SLC44A5: variants seen among roughly 807,000 people sequenced by gnomAD.
SLC44A5 encodes the protein choline transporter-like protein 5.
A neutral mutation model predicts 101.8 loss-of-function variants in SLC44A5; 57 were observed. That is an observed-to-expected ratio of 0.56 (90% CI 0.45 to 0.70). SLC44A5 has a LOEUF of 0.70. SLC44A5 is among the 30% of genes least tolerant of loss of function. SLC44A5 has a pLI of 0.00. For synonymous variants in SLC44A5, 281 were observed against 290.9 expected, an observed-to-expected ratio of 0.97 and a Z score of 0.35; for missense variants, 737 against 853.1, an observed-to-expected ratio of 0.86 and a Z score of 1.70.
intron 10 of SLC44A5, among the ~76,000 whole-genome samples, chr1:75,237,536 G>A (rs1404961421): frequency 2.0e-5 from 3 of 152,034 alleles, no homozygotes; most frequent in East Asian, 1.9e-4. Context: ...ACACATTTAT[G>A]TAACTACAAC....
At chr1:75,658,078 T>C in the SLC44A5 span, among the ~76,000 whole-genome samples, 3 of 145,242 alleles carry the variant, frequency 2.1e-5, no homozygotes, top group Middle Eastern at 3.6e-3. Context: ...ACAAATCTTA[T>C]GGTTTTTGTT....
At chr1:75,462,083 C>T (rs1666533063) in intron 2 of SLC44A5, among the ~76,000 whole-genome samples, 1 of 152,222 alleles carries the variant, frequency 6.6e-6, no homozygotes, top group Admixed American at 6.5e-5. Flanking sequence ...TTGGGCAAGA[C>T]CCAGTGCTGT....
At chr1:75,267,271 A>T (rs1401416688) in intron 6 of SLC44A5, among the ~76,000 whole-genome samples, 1 of 152,166 alleles carries the variant, frequency 6.6e-6, no homozygotes, top group Non-Finnish European at 1.5e-5. Flanking sequence ...TCAATGCTAG[A>T]GGTAAAGTCA....
chr1:75,411,973 G>T (rs553070817), intron 2 of SLC44A5, among the ~76,000 whole-genome samples: 1 of 152,150 alleles, frequency 6.6e-6, no homozygotes, highest in South Asian at 2.1e-4. Flanking sequence ...TATAAATTTT[G>T]TAAGACCTTT....
chr1:75,237,459 G>T (rs931183666), intron 10 of SLC44A5, among the ~76,000 whole-genome samples: 1 of 151,986 alleles, frequency 6.6e-6, no homozygotes, highest in Non-Finnish European at 1.5e-5. Flanking sequence ...TGACAGTAAG[G>T]CATGATGGAA....
At chr1:75,678,775 G>C in the SLC44A5 span, among the ~76,000 whole-genome samples, 1 of 152,098 alleles carries the variant, frequency 6.6e-6, no homozygotes, top group Non-Finnish European at 1.5e-5. Context: ...TGACTTTGAC[G>C]AGCTGAGAGA....
intron 14 of SLC44A5, among the ~76,000 whole-genome samples, chr1:75,221,082 C>T (rs1410515581): frequency 6.6e-6 from 1 of 152,102 alleles, no homozygotes; most frequent in African/African-American, 2.4e-5. Context: ...AAGAAATAAA[C>T]CCAGAAAATC....
At chr1:75,531,150 T>C (rs994126649) in intron 2 of SLC44A5, among the ~76,000 whole-genome samples, 2 of 152,192 alleles carry the variant, frequency 1.3e-5, no homozygotes, top group African/African-American at 4.8e-5. Context: ...CAACACAGCT[T>C]TTCTCTTGGA....
intron 2 of SLC44A5, among the ~76,000 whole-genome samples, chr1:75,460,685 A>T (rs2101691901): frequency 6.6e-6 from 1 of 152,316 alleles, no homozygotes; most frequent in Non-Finnish European, 1.5e-5. Context: ...ATTCCAATAA[A>T]AGGGATCTAG....
At chr1:75,480,187 T>C (rs1267802936) in intron 2 of SLC44A5, among the ~76,000 whole-genome samples, 9 of 152,162 alleles carry the variant, frequency 5.9e-5, no homozygotes, top group African/African-American at 2.2e-4. Flanking sequence ...AAAAGGCCTT[T>C]GACAAAATTC....
At chr1:75,668,315 C>CTTTTTTT in the SLC44A5 span, among the ~76,000 whole-genome samples, 4 of 65,088 alleles carry the variant, frequency 6.1e-5, no homozygotes, top group African/African-American at 5.8e-5. Flanking sequence ...TCCTAGGAGC[C>CTTTTTTT]TTTTTTTTTT....
intron 1 of SLC44A5, among the ~76,000 whole-genome samples, chr1:75,583,950 C>T (rs958823986): frequency 3.3e-5 from 5 of 152,196 alleles, no homozygotes; most frequent in Non-Finnish European, 5.9e-5. Flanking sequence ...TGGGTCAGCA[C>T]CAATCTCTGA....
intron 5 of SLC44A5, among the ~76,000 whole-genome samples, chr1:75,284,700 T>C (rs1652895368): frequency 6.6e-6 from 1 of 152,116 alleles, no homozygotes; most frequent in Non-Finnish European, 1.5e-5. Flanking sequence ...CCAATTTTGC[T>C]GAGGGCCTTA....
chr1:75,637,974 T>C, the SLC44A5 span, among the ~76,000 whole-genome samples: 1 of 152,022 alleles, frequency 6.6e-6, no homozygotes, highest in African/African-American at 2.4e-5. Context: ...AGTACCTCAC[T>C]GATATAAATC....
At chr1:75,227,312 C>G (rs182870861) in intron 13 of SLC44A5, among the ~76,000 whole-genome samples, 1 of 152,178 alleles carries the variant, frequency 6.6e-6, no homozygotes, top group African/African-American at 2.4e-5. Flanking sequence ...GTGAAGTTAG[C>G]CATGATTGTG....
chr1:75,368,780 G>C (rs1323216992), intron 3 of SLC44A5, among the ~76,000 whole-genome samples: 1 of 152,034 alleles, frequency 6.6e-6, no homozygotes, highest in Non-Finnish European at 1.5e-5. Flanking sequence ...TGATGCATAC[G>C]CAACTATGAG....
At chr1:75,480,431 G>C (rs1257937196) in intron 2 of SLC44A5, among the ~76,000 whole-genome samples, 5 of 152,096 alleles carry the variant, frequency 3.3e-5, no homozygotes, top group African/African-American at 4.8e-5. Context: ...GGAAATAAAG[G>C]GTATTCGATT....
At chr1:75,228,858 T>G (rs1411174302) in intron 12 of SLC44A5, among the ~76,000 whole-genome samples, 2 of 151,716 alleles carry the variant, frequency 1.3e-5, no homozygotes, top group Non-Finnish European at 2.9e-5. Context: ...TTTTGTTATG[T>G]ACATTTTAAA....
chr1:75,326,824 C>G (rs1383262630), intron 4 of SLC44A5, among the ~76,000 whole-genome samples: 1 of 151,958 alleles, frequency 6.6e-6, no homozygotes. Flanking sequence ...GCAACTTTAG[C>G]TCCAAAATCT....
Sources: gnomAD v4.1 joint callset for allele counts (sites outside exome capture counted in the v4.1 genomes callset) on GRCh38, gnomAD v4.1.1 for gene constraint, MANE v1.5 for transcripts, NCBI Gene and HGNC (gene_info 2026-07-23, HGNC 2026-07-21) for gene names.